The following RARB variants were observed in gnomAD, a reference collection of about 807,000 sequenced individuals.
RARB encodes the protein HBV-activated protein.
Under a neutral mutation model 51.9 loss-of-function variants are expected in RARB, and 17 were observed. That is an observed-to-expected ratio of 0.33 (90% CI 0.22 to 0.49). The LOEUF (loss-of-function observed/expected upper bound fraction) is 0.49, where lower values mean the gene tolerates loss of function less well. RARB is among the 20% of genes least tolerant of loss of function. RARB has a pLI of 0.99. For missense variants in RARB, 369 were observed against 550.8 expected (o/e 0.67, Z 3.30); for synonymous variants, 215 against 195.4 (o/e 1.10, Z -0.84).
intron 2 of RARB, among the ~76,000 whole-genome samples, chr3:24,935,875 T>C (rs1695538376): frequency 6.6e-6 from 1 of 152,158 alleles, no homozygotes; most frequent in Non-Finnish European, 1.5e-5. Flanking sequence ...TGTCCAATTG[T>C]TTATTGTTTC....
At chr3:25,243,275 C>G (rs1203868494) in intron 5 of RARB, among the ~76,000 whole-genome samples, 1 of 152,172 alleles carries the variant, frequency 6.6e-6, no homozygotes, top group Non-Finnish European at 1.5e-5. Flanking sequence ...TTGACTTCCT[C>G]TCTTCCTGTT....
intron 4 of RARB, among the ~76,000 whole-genome samples, chr3:25,571,795 A>G (rs1700722227): frequency 6.6e-6 from 1 of 152,170 alleles, no homozygotes; most frequent in Non-Finnish European, 1.5e-5. Flanking sequence ...GGGAGGATGA[A>G]ATGAGACAAT....
chr3:25,157,037 A>G (rs117872852), intron 4 of RARB, among the ~76,000 whole-genome samples: 1 of 152,330 alleles, frequency 6.6e-6, no homozygotes, highest in East Asian at 1.9e-4. Context: ...AATCTCCTAA[A>G]TTGATTTTTA....
chr3:25,404,139 T>A (rs142970522), intron 5 of RARB, among the ~76,000 whole-genome samples: 27 of 152,318 alleles, frequency 1.8e-4, no homozygotes, highest in Admixed American at 5.9e-4. Context: ...GGAGTGATAT[T>A]TGTCAACGTG....
chr3:25,509,235 T>C (rs1050583524), intron 3 of RARB, among the ~76,000 whole-genome samples: 2 of 152,176 alleles, frequency 1.3e-5, no homozygotes, highest in East Asian at 3.9e-4. Context: ...AACTAACCCA[T>C]TGCGTGGAGA....
intron 5 of RARB, among the ~76,000 whole-genome samples, chr3:25,345,108 GT>G (rs1227168041): frequency 3.9e-5 from 6 of 152,274 alleles, no homozygotes; most frequent in Middle Eastern, 3.4e-3. Context: ...ATCTGTGGGT[GT>G]TGATTTTCTA....
intron 5 of RARB, among the ~76,000 whole-genome samples, chr3:25,239,242 T>G (rs1200541530): frequency 6.6e-6 from 1 of 152,222 alleles, no homozygotes; most frequent in Non-Finnish European, 1.5e-5. Flanking sequence ...TTTTTCCTAT[T>G]CAACAGGTTG....
At chr3:24,979,556 C>A (rs545855002) in intron 2 of RARB, among the ~76,000 whole-genome samples, 5 of 152,024 alleles carry the variant, frequency 3.3e-5, no homozygotes, top group Non-Finnish European at 7.4e-5. Context: ...GCCAGGATTG[C>A]AACTCCTCCT....
intron 4 of RARB, among the ~76,000 whole-genome samples, chr3:25,150,866 G>A (rs768770793): frequency 9.9e-5 from 15 of 152,168 alleles, no homozygotes; most frequent in African/African-American, 1.9e-4. Context: ...CCTAGACAAC[G>A]GTGTGCATGG....
chr3:25,252,585 C>A (rs900527510), intron 5 of RARB, among the ~76,000 whole-genome samples: 2 of 152,140 alleles, frequency 1.3e-5, no homozygotes, highest in African/African-American at 2.4e-5. Context: ...TTATTCCGAA[C>A]TATTTTATTG....
At chr3:25,380,531 C>T (rs1706593641) in intron 5 of RARB, among the ~76,000 whole-genome samples, 1 of 152,132 alleles carries the variant, frequency 6.6e-6, no homozygotes, top group African/African-American at 2.4e-5. Context: ...TTATTTCCCC[C>T]TCTTTCCTCC....
chr3:25,189,937 C>T (rs1342086490), intron 5 of RARB, among the ~76,000 whole-genome samples: 1 of 151,960 alleles, frequency 6.6e-6, no homozygotes, highest in Non-Finnish European at 1.5e-5. Context: ...GCTGTGTGAT[C>T]CCCGGATAAA....
intron 5 of RARB, among the ~76,000 whole-genome samples, chr3:25,241,183 T>C (rs772871092): frequency 5.3e-5 from 8 of 152,238 alleles, no homozygotes; most frequent in Non-Finnish European, 1.0e-4. Context: ...ATAATGGGCA[T>C]TCTGGAACAT....
At chr3:25,513,685 C>CACACACACAT (rs1490813412) in intron 3 of RARB, among the ~76,000 whole-genome samples, 3 of 152,012 alleles carry the variant, frequency 2.0e-5, no homozygotes, top group African/African-American at 7.2e-5. Context: ...CACACACACA[C>CACACACACAT]ATTTCATCAA....
At chr3:24,949,167 T>C (rs1169553729) in intron 2 of RARB, among the ~76,000 whole-genome samples, 2 of 152,182 alleles carry the variant, frequency 1.3e-5, no homozygotes, top group East Asian at 1.9e-4. Context: ...CCCCGTCTTT[T>C]AGAACCAGAG....
rs866411822 is a variant in RARB at position 25,517,854 on chromosome 3, C to T, written c.448+16531C>T. Among the ~76,000 whole-genome samples, 7 of 152,196 alleles carry T rather than the reference C, an allele frequency of 4.6e-5. No individual in the cohort carries two copies. The Middle Eastern group carries it at 0.017, about 370-fold the overall frequency. Reference sequence around the variant, plus strand: ...TGATATATGGTACGACATGGATGACCTTTGAAAATATTACGCTAAGTGAAA... The same window carrying T: ...TGATATATGGTACGACATGGATGACTTTTGAAAATATTACGCTAAGTGAAA... On this transcript the variant is annotated intron_variant, in intron 3 of 7. Transcript: ENST00000330688.
chr3:25,558,491 A>G (rs1700145157), intron 3 of RARB, among the ~76,000 whole-genome samples: 1 of 145,558 alleles, frequency 6.9e-6, no homozygotes, highest in African/African-American at 2.5e-5. Context: ...TCCCTTTCCC[A>G]TCAACTACTA....
chr3:25,043,116 C>T (rs1698146738), intron 2 of RARB, among the ~76,000 whole-genome samples: 2 of 152,190 alleles, frequency 1.3e-5, no homozygotes, highest in South Asian at 4.1e-4. Context: ...CTTAAGCTTC[C>T]ATGTTGCTCT....
intron 2 of RARB, among the ~76,000 whole-genome samples, chr3:24,902,465 C>G (rs1305711643): frequency 1.3e-5 from 2 of 152,068 alleles, no homozygotes; most frequent in Non-Finnish European, 1.5e-5. Flanking sequence ...CCTCCCAAAT[C>G]TTGGCTTATT....
Sources: allele counts gnomAD v4.1 joint callset (sites outside exome capture counted in the v4.1 genomes callset), GRCh38; gene constraint gnomAD v4.1.1; transcripts MANE v1.5; gene names NCBI Gene and HGNC (gene_info 2026-07-23, HGNC 2026-07-21).